Variants in RBFOX1 observed in about 807,000 individuals in gnomAD.
The protein encoded by RBFOX1 is RNA binding protein fox-1 homolog 1.
Under a neutral mutation model 57.7 loss-of-function variants are expected in RBFOX1, and 8 were observed. The observed-to-expected ratio is 0.14, with a 90% CI of 0.08 to 0.25. The LOEUF is 0.25. Ranked by LOEUF, RBFOX1 falls within the 10% of genes least tolerant of loss-of-function variation. The probability of loss-of-function intolerance (pLI) is 1.00; values close to 1 mark genes in which losing one functional copy is unlikely to be tolerated. For synonymous variants in RBFOX1, 326 were observed against 222.4 expected (o/e 1.47, Z -4.15); for missense variants, 611 against 548.5 (o/e 1.11, Z -1.14).
intron 1 of RBFOX1, among the ~76,000 whole-genome samples, chr16:5,259,500 T>C (rs1335715226): frequency 6.6e-6 from 1 of 152,192 alleles, no homozygotes; most frequent in Non-Finnish European, 1.5e-5. Flanking sequence ...GGTCTGTTCT[T>C]CCCCTGGATT....
chr16:5,530,912 A>G (rs556592519), intron 2 of RBFOX1, among the ~76,000 whole-genome samples: 231 of 139,178 alleles, frequency 1.7e-3, no homozygotes, highest in African/African-American at 5.9e-3. Context: ...ACATGGCGAA[A>G]CCCTGTCTCT....
intron 3 of RBFOX1, among the ~76,000 whole-genome samples, chr16:5,634,628 G>C (rs2048624478): frequency 6.6e-6 from 1 of 152,178 alleles, no homozygotes; most frequent in Non-Finnish European, 1.5e-5. Flanking sequence ...CTGAAGGAAA[G>C]TTATTGGTCA....
intron 3 of RBFOX1, among the ~76,000 whole-genome samples, chr16:7,009,733 A>T (rs1266233332): frequency 1.3e-5 from 2 of 152,316 alleles, no homozygotes; most frequent in East Asian, 3.9e-4. Context: ...GCCTGATACC[A>T]CAGTAGTTCT....
chr16:7,575,047 AT>A, intron 5 of RBFOX1, among the ~76,000 whole-genome samples: 1 of 128,614 alleles, frequency 7.8e-6, no homozygotes, highest in Middle Eastern at 4.0e-3. Flanking sequence ...ATGTGATCTT[AT>A]TTGGGGGGGG....
intron 1 of RBFOX1, among the ~76,000 whole-genome samples, chr16:5,406,570 CTT>C (rs1344484821): frequency 1.3e-5 from 2 of 151,884 alleles, no homozygotes; most frequent in Admixed American, 6.6e-5. Flanking sequence ...GTTTCTCTCT[CTT>C]TATTTCTCTC....
intron 3 of RBFOX1, among the ~76,000 whole-genome samples, chr16:6,855,178 G>C (rs1333642664): frequency 1.3e-5 from 2 of 151,990 alleles, no homozygotes; most frequent in African/African-American, 2.4e-5. Flanking sequence ...TGGTGAGCAT[G>C]ATATCCCCAG....
intron 2 of RBFOX1, among the ~76,000 whole-genome samples, chr16:6,509,433 C>T (rs961225389): frequency 2.0e-5 from 3 of 152,056 alleles, no homozygotes; most frequent in African/African-American, 7.2e-5. Flanking sequence ...AAGCCAGGCA[C>T]AGAAAGAGGA....
At chr16:6,887,854 G>A (rs527353528) in intron 3 of RBFOX1, among the ~76,000 whole-genome samples, 61 of 152,102 alleles carry the variant, frequency 4.0e-4, no homozygotes, top group Non-Finnish European at 6.6e-4. Context: ...GTAGAGGTGG[G>A]GTTTGCCATG....
At chr16:7,329,834 C>A (rs531130674) in intron 4 of RBFOX1, among the ~76,000 whole-genome samples, 4 of 152,146 alleles carry the variant, frequency 2.6e-5, no homozygotes, top group Non-Finnish European at 5.9e-5. Context: ...ATCCCCGGCA[C>A]AAGGTATAAC....
At chr16:7,427,968 C>T (rs1213189450) in intron 4 of RBFOX1, among the ~76,000 whole-genome samples, 3 of 152,142 alleles carry the variant, frequency 2.0e-5, no homozygotes, top group African/African-American at 4.8e-5. Context: ...GAACATACTC[C>T]GTGCCCCCAT....
At chr16:5,720,716 C>G (rs757876641) in intron 3 of RBFOX1, among the ~76,000 whole-genome samples, 13 of 152,188 alleles carry the variant, frequency 8.5e-5, no homozygotes, top group South Asian at 2.1e-4. Context: ...CCTTTATGCC[C>G]TCGTCAAAAA....
At chr16:7,456,844 G>T (rs1194501240) in intron 4 of RBFOX1, among the ~76,000 whole-genome samples, 1 of 152,096 alleles carries the variant, frequency 6.6e-6, no homozygotes, top group Admixed American at 6.5e-5. Context: ...GTATCAGCTT[G>T]GAGGAAAGGG....
chr16:7,456,309 C>A (rs897112829), intron 4 of RBFOX1, among the ~76,000 whole-genome samples: 2 of 152,192 alleles, frequency 1.3e-5, no homozygotes, highest in Non-Finnish European at 2.9e-5. Context: ...GTTCATTCTT[C>A]AAGCTGTGTG....
At chr16:5,414,684 C>A (rs553040790) in intron 1 of RBFOX1, among the ~76,000 whole-genome samples, 2 of 152,150 alleles carry the variant, frequency 1.3e-5, no homozygotes, top group Non-Finnish European at 2.9e-5. Context: ...CTCCAGGCTT[C>A]GGATGCTGAA....
At chr16:6,630,126 T>C (rs562711161) in intron 2 of RBFOX1, among the ~76,000 whole-genome samples, 10 of 152,118 alleles carry the variant, frequency 6.6e-5, no homozygotes, top group Non-Finnish European at 1.2e-4. Flanking sequence ...GACATCTCAT[T>C]ATTTTACTCA....
At chr16:6,902,069 A>G (rs1308957652) in intron 3 of RBFOX1, among the ~76,000 whole-genome samples, 2 of 152,206 alleles carry the variant, frequency 1.3e-5, no homozygotes, top group East Asian at 3.9e-4. Context: ...AAAGTTGCAT[A>G]CTTGATGTCG....
chr16:6,478,082 T>A (rs2153089992), intron 2 of RBFOX1, among the ~76,000 whole-genome samples: 1 of 152,244 alleles, frequency 6.6e-6, no homozygotes, highest in Admixed American at 6.5e-5. Flanking sequence ...AAACCACTAA[T>A]ACTCCACACC....
At chr16:7,526,505 C>G (rs183606522) in intron 5 of RBFOX1, among the ~76,000 whole-genome samples, 5 of 152,260 alleles carry the variant, frequency 3.3e-5, no homozygotes, top group African/African-American at 9.6e-5. Flanking sequence ...TTCTCCAGAT[C>G]TCCTCCCTTT....
At chr16:5,366,235 G>A (rs79666124) in intron 1 of RBFOX1, 13,990 of 413,436 alleles carry the variant, frequency 0.034, 369 homozygotes, top group South Asian at 0.066. Context: ...GGAGGTGGTA[G>A]CATGGTTCCA....
Sources: gnomAD v4.1 joint callset for allele counts (sites outside exome capture counted in the v4.1 genomes callset) on GRCh38, gnomAD v4.1.1 for gene constraint, MANE v1.5 for transcripts, NCBI Gene and HGNC (gene_info 2026-07-23, HGNC 2026-07-21) for gene names.